MAGI2: variants seen among roughly 807,000 people sequenced by gnomAD.
MAGI2 encodes membrane-associated guanylate kinase, WW and PDZ domain-containing protein 2.
Under a neutral mutation model 133.3 loss-of-function variants are expected in MAGI2, and 35 were observed. That is an observed-to-expected ratio of 0.26 (90% CI 0.20 to 0.35). The LOEUF is 0.35. MAGI2 is among the 10% of genes least tolerant of loss of function. MAGI2 has a pLI of 1.00. For synonymous variants in MAGI2, 729 were observed against 710.6 expected, an observed-to-expected ratio of 1.03 and a Z score of -0.41; for missense variants, 1,636 against 1,863.4, an observed-to-expected ratio of 0.88 and a Z score of 2.25.
chr7:78,973,807 G>C (rs1215223518), intron 2 of MAGI2, among the ~76,000 whole-genome samples: 1 of 151,692 alleles, frequency 6.6e-6, no homozygotes, highest in African/African-American at 2.4e-5. Flanking sequence ...AGATTGCAAG[G>C]CATTTCTCAA....
chr7:78,627,210 C>T lies in MAGI2; in HGVS notation c.448G>A (p.Val150Ile), dbSNP rs1380319552. Reference sequence around the variant, plus strand: ...ATGAAAATATAATCCACTCCAGGGACCTCACCCTCCTTATGTGGCCTTGTG... The same window carrying T: ...ATGAAAATATAATCCACTCCAGGGATCTCACCCTCCTTATGTGGCCTTGTG... ...CTTRPHKEGE[V>I]PGVDYIFITV... The change falls in exon 3 of 22, where the codon GTC becomes ATC. Residue 150 changes from valine (V) to isoleucine (I), a missense_variant. Around this residue, in one of 5 missense-constraint regions of MAGI2, gnomAD observed 148 missense variants for 239.0 expected, o/e 0.62. Coordinates refer to ENST00000354212, the MANE Select transcript of MAGI2 (RefSeq NM_012301.4). 8 of 1,581,066 alleles carry T rather than the reference C, an allele frequency of 5.1e-6. No homozygotes were observed. The highest frequency in any genetic ancestry group is 2.3e-5 in the South Asian group (2 of 86,340).
rs370680292 is a variant in MAGI2, at chr7:78,417,127, G to C, written c.1046-47914C>G. On this transcript the variant is annotated intron_variant, in intron 6 of 21. Transcript: ENST00000354212. ...ATCCATTCTCTACTATTTCTGGTAA[G>C]TAACTAAATAAAGCTGCTTTGAGGA... 3.3e-5 allele frequency among the ~76,000 whole-genome samples: 5 copies of C among 152,226 alleles called. No homozygotes were observed. In the East Asian group the frequency reaches 9.7e-4, roughly 29 times the overall value.
chr7:78,923,814 T>C (rs897037614), intron 2 of MAGI2, among the ~76,000 whole-genome samples: 2 of 152,202 alleles, frequency 1.3e-5, no homozygotes, highest in African/African-American at 2.4e-5. Flanking sequence ...TATTGATTCT[T>C]CCTACCCATG....
chr7:78,328,529 A>ACACACACACACACACACC (rs1408831333), intron 9 of MAGI2, among the ~76,000 whole-genome samples: 48 of 99,870 alleles, frequency 4.8e-4, no homozygotes, highest in African/African-American at 1.8e-3. Flanking sequence ...ACACACACAC[A>ACACACACACACACACACC]CCCCTCTCTC....
At chr7:78,770,864 C>T (rs531061584) in intron 2 of MAGI2, 1 of 152,618 alleles carries the variant, frequency 6.6e-6, no homozygotes, top group East Asian at 1.9e-4. Flanking sequence ...GAGCTCTGTT[C>T]AAAGGAAGCA....
rs776704172 is a variant in MAGI2, at chr7:78,078,998, T to C, written c.3655A>G (p.Arg1219Gly). ...RAIELIKSGG[R>G]RVRLLLKRGT... ...CTCTTGAGCAGCAGCCTCACTCGTC[T>C]TCCTCCAGATTTGATGAGTTCTATT... is the stretch of plus-strand genomic sequence containing the variant. Residue 1219 changes from arginine (R) to glycine (G), a missense_variant, in exon 21 of 22, where the codon AGA (arginine) becomes GGA (glycine). This residue lies in a region of MAGI2 where 49 missense variants were observed against 103.8 expected (regional missense o/e 0.47). Coordinates refer to ENST00000354212, the MANE Select transcript of MAGI2 (RefSeq NM_012301.4). The C allele has an allele frequency of 1.2e-6, 2 of 1,613,948 alleles. No individual in the cohort carries two copies. Among genetic ancestry groups the C allele is most frequent in the Non-Finnish European group, 1.7e-6 (2 of 1,179,960 alleles).
At chr7:78,976,459 G>GTAAATAAATAAA (rs140485157) in intron 2 of MAGI2, among the ~76,000 whole-genome samples, 1,708 of 150,758 alleles carry the variant, frequency 0.011, 30 homozygotes, top group African/African-American at 0.039. Context: ...AAATAAATAA[G>GTAAATAAATAAA]TAAATAAATA....
chr7:78,246,758 C>G lies in MAGI2; in HGVS notation c.2047+9185G>C, dbSNP rs191590286. ...CCCACGATCTGACTTGACGCTATGT[C>G]GTATTGGCTCTGGTTCACAAATTGC... On this transcript the variant is annotated intron_variant, in intron 10 of 21. Transcript: ENST00000354212. 2.5e-3 allele frequency among the ~76,000 whole-genome samples: 386 copies of G among 152,332 alleles called. 4 individuals carry two copies. Among genetic ancestry groups the G allele is most frequent in the African/African-American group, 7.9e-3 (327 of 41,580 alleles).
In MAGI2 at chr7:79,303,842, G is replaced by A. The variant is rs188713500; in HGVS notation, c.301+149178C>T. ...CGACATTAAGGTTAGCTTGTCTTGCGTTTCATCTAAAATAACTTTGAAACA... is the reference window on the plus strand; with the variant it reads ...CGACATTAAGGTTAGCTTGTCTTGCATTTCATCTAAAATAACTTTGAAACA... On this transcript the variant is annotated intron_variant, in intron 1 of 21. Coordinates refer to ENST00000354212, the MANE Select transcript of MAGI2 (RefSeq NM_012301.4). 7.4e-4 allele frequency among the ~76,000 whole-genome samples: 112 copies of A among 152,184 alleles called. 3 individuals carry two copies. The South Asian group carries it at 0.018, about 24-fold the overall frequency.
At chr7:78,856,815 G>A (rs995645874) in intron 2 of MAGI2, among the ~76,000 whole-genome samples, 3 of 152,104 alleles carry the variant, frequency 2.0e-5, no homozygotes, top group Non-Finnish European at 1.5e-5. Context: ...TGATGGGGAT[G>A]GCATTGAATC....
Position 79,057,040 on chromosome 7 carries a change from CT to C in MAGI2, c.302-49835del, listed in dbSNP as rs1227899791. 5.3e-5 allele frequency among the ~76,000 whole-genome samples: 8 copies of C among 152,166 alleles called. No individual in the cohort carries two copies. In the East Asian group the frequency reaches 9.6e-4, roughly 18 times the overall value. ...TGGGGTCAGTATTGTTGTTGTTTTT[CT>C]TGTTGTTTGTTGTTTTAAAATCTTA... On this transcript the variant is annotated intron_variant, in intron 1 of 21. Transcript: ENST00000354212.
At chr7:79,016,008 G>GT (rs1158127442) in intron 1 of MAGI2, among the ~76,000 whole-genome samples, 1 of 115,796 alleles carries the variant, frequency 8.6e-6, no homozygotes, top group Admixed American at 8.6e-5. Context: ...CGGGGGGGGG[G>GT]GGTGGGGGTT....
chr7:78,497,773 T>TGTCTGTCTGTCTGTCTGTCTATCTATC (rs1794259068), intron 5 of MAGI2, among the ~76,000 whole-genome samples: 1 of 151,578 alleles, frequency 6.6e-6, no homozygotes, highest in Non-Finnish European at 1.5e-5. Context: ...TCTTTCTATC[T>TGTCTGTCTGTCTGTCTGTCTATCTATC]TATACACAGA....
At chr7:78,999,233 C>T (rs1187469375) in intron 2 of MAGI2, among the ~76,000 whole-genome samples, 2 of 150,796 alleles carry the variant, frequency 1.3e-5, no homozygotes, top group African/African-American at 4.9e-5. Context: ...AAAAGCCAAT[C>T]AAGTCAGGGC....
At chr7:78,803,841 C>T (rs1162827782) in intron 2 of MAGI2, among the ~76,000 whole-genome samples, 2 of 152,044 alleles carry the variant, frequency 1.3e-5, no homozygotes, top group African/African-American at 2.4e-5. Context: ...AGTTTGTCAT[C>T]GAGAAAGAAA....
At chr7:78,697,651 C>A (rs185259013) in intron 2 of MAGI2, among the ~76,000 whole-genome samples, 5 of 152,224 alleles carry the variant, frequency 3.3e-5, no homozygotes, top group Admixed American at 2.0e-4. Flanking sequence ...ATCCTCATCT[C>A]GTAGAGCAAA....
intron 2 of MAGI2, among the ~76,000 whole-genome samples, chr7:78,826,351 T>TAAA (rs1212068156): frequency 2.8e-5 from 2 of 71,364 alleles, no homozygotes; most frequent in East Asian, 3.9e-4. Context: ...AGACTCCGTC[T>TAAA]AAAAAAAAAA....
intron 2 of MAGI2, among the ~76,000 whole-genome samples, chr7:78,673,959 G>A (rs1585046939): frequency 3.3e-5 from 5 of 152,146 alleles, no homozygotes; most frequent in Admixed American, 2.6e-4. Context: ...TGGACATGAT[G>A]TAGTTAATAT....
intron 20 of MAGI2, among the ~76,000 whole-genome samples, chr7:78,102,926 G>T (rs1818330411): frequency 1.3e-5 from 2 of 152,088 alleles, no homozygotes; most frequent in Admixed American, 1.3e-4. Flanking sequence ...CTACCCGGGG[G>T]GATTCTCTGG....
Sources: allele counts gnomAD v4.1 joint callset (sites outside exome capture counted in the v4.1 genomes callset), GRCh38; gene constraint gnomAD v4.1.1; regional missense constraint gnomAD v4.1.1; transcripts MANE v1.5; gene names NCBI Gene and HGNC (gene_info 2026-07-23, HGNC 2026-07-21).